The following TSHZ2 variants were observed in gnomAD, a reference collection of about 807,000 sequenced individuals.
TSHZ2 encodes the protein teashirt homolog 2.
In TSHZ2, 21 loss-of-function variants were observed where a neutral mutation model predicts 74.4. The observed-to-expected ratio is 0.28, with a 90% CI of 0.20 to 0.41. TSHZ2 has a LOEUF of 0.41. TSHZ2 is among the 10% of genes least tolerant of loss of function. The pLI, the probability that TSHZ2 is intolerant of heterozygous loss-of-function variation, is 1.00. For synonymous variants in TSHZ2, 540 were observed against 515.3 expected (o/e 1.05, Z -0.65); for missense variants, 1,244 against 1,293.5 (o/e 0.96, Z 0.59).
intron 1 of TSHZ2, among the ~76,000 whole-genome samples, chr20:53,223,414 C>T (rs972317290): frequency 1.3e-5 from 2 of 152,002 alleles, no homozygotes; most frequent in South Asian, 2.1e-4. Context: ...TTATTTGAGA[C>T]GGGGTCTTGC....
rs549156501 is a variant in TSHZ2 at position 53,311,109 on chromosome 20, T to C, written c.*8+54538T>C. On this transcript the variant is annotated intron_variant, in intron 2 of 2. Transcript: ENST00000371497. ...TGCAATAAGCTAAAAGTAAGAATTA[T>C]AGCACAGAGCAGAATTGCATCTCAC... Among the ~76,000 whole-genome samples, 5 of 152,346 alleles carry C rather than the reference T, an allele frequency of 3.3e-5. No homozygotes were observed. In the East Asian group the frequency reaches 9.6e-4, roughly 29 times the overall value.
intron 2 of TSHZ2, among the ~76,000 whole-genome samples, chr20:53,355,050 CACTT>C (rs1339568221): frequency 1.3e-5 from 2 of 152,088 alleles, no homozygotes; most frequent in East Asian, 3.9e-4. Flanking sequence ...TTCATTTATT[CACTT>C]ACTTATTGTT....
chr20:53,445,838 C>A (rs1039520767), intron 2 of TSHZ2, among the ~76,000 whole-genome samples: 3 of 152,166 alleles, frequency 2.0e-5, no homozygotes, highest in Non-Finnish European at 4.4e-5. Context: ...AGCTTTGGAC[C>A]TTGTATTATC....
At chr20:53,388,038 G>T (rs1226218770) in intron 2 of TSHZ2, among the ~76,000 whole-genome samples, 2 of 144,798 alleles carry the variant, frequency 1.4e-5, no homozygotes, top group South Asian at 4.5e-4. Context: ...AATAGAGCGA[G>T]ACTCCATCTC....
rs144070621 is a variant in TSHZ2, at chr20:53,136,703, T to G, written c.41-116796T>G. 3.9e-3 allele frequency among the ~76,000 whole-genome samples: 596 copies of G among 152,294 alleles called. 2 individuals are homozygous for G. The highest frequency in any genetic ancestry group is 0.031 in the Middle Eastern group (9 of 294). ...TCAAGTCTCCTTTCACTCAGTAGTT[T>G]AGATAAACTTGATATTATAGTTTCC... On this transcript the variant is annotated intron_variant, in intron 1 of 2. Transcript: ENST00000371497.
chr20:53,062,918 C>T (rs1005939753), intron 1 of TSHZ2, among the ~76,000 whole-genome samples: 1 of 152,040 alleles, frequency 6.6e-6, no homozygotes, highest in Admixed American at 6.6e-5. Flanking sequence ...CTCTGCTTTT[C>T]ACTTGAATAC....
chr20:53,409,198 C>G (rs1452243677), intron 2 of TSHZ2, among the ~76,000 whole-genome samples: 1 of 151,848 alleles, frequency 6.6e-6, no homozygotes, highest in East Asian at 1.9e-4. Flanking sequence ...TACAAAAGGC[C>G]CAACAAATGG....
rs763187600 is a variant in TSHZ2 at position 53,254,276 on chromosome 20, A to C, written c.818A>C (p.Lys273Thr). 5 of 1,614,152 alleles carry C rather than the reference A, an allele frequency of 3.1e-6. No individual in the cohort carries two copies. The highest frequency in any genetic ancestry group is 4.2e-6 in the Non-Finnish European group (5 of 1,180,014). Residue 273 changes from lysine (K) to threonine (T), a missense_variant, in exon 2 of 3, where the codon AAG becomes ACG. By Grantham distance (78) the Lys-to-Thr change is moderately conservative. Transcript: ENST00000371497. ...FQDMDKEDAQ[K>T]VLKCMFCGDS... is the part of the protein sequence containing the mutation. ...GATATGGACAAAGAGGATGCTCAAAAGGTTCTGAAATGTATGTTTTGTGGC... is the reference window on the plus strand; with the variant it reads ...GATATGGACAAAGAGGATGCTCAAACGGTTCTGAAATGTATGTTTTGTGGC...
intron 2 of TSHZ2, among the ~76,000 whole-genome samples, chr20:53,316,568 T>A (rs1476563944): frequency 6.9e-6 from 1 of 145,572 alleles, no homozygotes; most frequent in African/African-American, 2.5e-5. Flanking sequence ...CATTTCAAAA[T>A]AGTATTTTAT....
At chr20:53,326,254 C>T (rs781240576) in intron 2 of TSHZ2, among the ~76,000 whole-genome samples, 77 of 152,188 alleles carry the variant, frequency 5.1e-4, no homozygotes, top group Non-Finnish European at 9.4e-4. Flanking sequence ...GATTTGTCCC[C>T]ATCCATTCAC....
chr20:53,241,494 C>T (rs191008411), intron 1 of TSHZ2, among the ~76,000 whole-genome samples: 148 of 152,232 alleles, frequency 9.7e-4, no homozygotes, highest in African/African-American at 3.4e-3. Context: ...AATACTCAAT[C>T]TGATAAGGGG....
chr20:53,161,130 C>CAAAAAAAAAAAACA (rs1987925262), intron 1 of TSHZ2, among the ~76,000 whole-genome samples: 2 of 67,978 alleles, frequency 2.9e-5, no homozygotes, highest in Non-Finnish European at 5.2e-5. Flanking sequence ...TTATTTTCAG[C>CAAAAAAAAAAAACA]AAAAAAAAAA....
intron 2 of TSHZ2, among the ~76,000 whole-genome samples, chr20:53,271,501 C>T (rs1023264985): frequency 1.3e-5 from 2 of 152,186 alleles, no homozygotes; most frequent in Non-Finnish European, 2.9e-5. Context: ...GTCTAACAGC[C>T]CTGCCCTCAG....
chr20:53,071,190 G>GATT (rs1247679691), intron 1 of TSHZ2, among the ~76,000 whole-genome samples: 1 of 152,144 alleles, frequency 6.6e-6, no homozygotes, highest in Non-Finnish European at 1.5e-5. Context: ...GTTCAAGAGA[G>GATT]GAATGAGCCT....
At chr20:53,097,050 G>C (rs1986075787) in intron 1 of TSHZ2, among the ~76,000 whole-genome samples, 1 of 152,156 alleles carries the variant, frequency 6.6e-6, no homozygotes, top group Non-Finnish European at 1.5e-5. Flanking sequence ...TGTGTGGTAG[G>C]ATGTGTAGCA....
chr20:53,450,697 G>A lies in TSHZ2; in HGVS notation c.*9-36447G>A, dbSNP rs1041456578. 3.8e-4 allele frequency among the ~76,000 whole-genome samples: 58 copies of A among 151,986 alleles called. 1 individual carries two copies. ...TGCCACCATACCTGGCTTTTTGTTT[G>A]TTTGTTTTGAGACAAGGTCTCCCCA... On this transcript the variant is annotated intron_variant, in intron 2 of 2. Coordinates refer to ENST00000371497, the MANE Select transcript of TSHZ2 (RefSeq NM_173485.6).
intron 1 of TSHZ2, among the ~76,000 whole-genome samples, chr20:53,072,935 A>G (rs1224774824): frequency 6.9e-6 from 1 of 145,310 alleles, no homozygotes; most frequent in Non-Finnish European, 1.5e-5. Context: ...CCCTTAATCC[A>G]TTCATCCATC....
At chr20:53,212,078 A>C (rs1989321672) in intron 1 of TSHZ2, among the ~76,000 whole-genome samples, 1 of 152,142 alleles carries the variant, frequency 6.6e-6, no homozygotes, top group Non-Finnish European at 1.5e-5. Context: ...CCTAACTCTC[A>C]ATCGTGTTCA....
At chr20:53,395,823 A>G (rs1329193013) in intron 2 of TSHZ2, among the ~76,000 whole-genome samples, 1 of 152,240 alleles carries the variant, frequency 6.6e-6, no homozygotes, top group African/African-American at 2.4e-5. Flanking sequence ...TCACTGGTCA[A>G]CCTATGGAAT....
Sources: gnomAD v4.1 joint callset for allele counts (sites outside exome capture counted in the v4.1 genomes callset) on GRCh38, gnomAD v4.1.1 for gene constraint, MANE v1.5 for transcripts, NCBI Gene and HGNC (gene_info 2026-07-23, HGNC 2026-07-21) for gene names.